The following MBOAT1 variants were observed in gnomAD, a reference collection of about 807,000 sequenced individuals.
MBOAT1 encodes the protein membrane bound glycerophospholipid O-acyltransferase 1, also known as membrane-bound glycerophospholipid O-acyltransferase 1.
In MBOAT1, 67 loss-of-function variants were observed where a neutral mutation model predicts 64.4. That is an observed-to-expected ratio of 1.04 (90% confidence interval 0.85 to 1.27). The LOEUF (loss-of-function observed/expected upper bound fraction) is 1.27. MBOAT1 is among the 50% of genes most tolerant of loss of function. The probability of loss-of-function intolerance (pLI) is 0.00; values close to 1 mark genes in which losing one functional copy is unlikely to be tolerated. For synonymous variants in MBOAT1, 229 were observed against 218.9 expected (o/e 1.05, Z -0.41); for missense variants, 563 against 604.6 (o/e 0.93, Z 0.72).
chr6:20,160,734 T>A (rs1246582223), intron 1 of MBOAT1, among the ~76,000 whole-genome samples: 1 of 152,024 alleles, frequency 6.6e-6, no homozygotes, highest in Non-Finnish European at 1.5e-5. Context: ...TGGGAAAGAG[T>A]ACTAAAAACG....
rs150539587 is a variant in MBOAT1 at position 20,135,656 on chromosome 6, G to A, written c.420-4457C>T. Among the ~76,000 whole-genome samples the A allele has an allele frequency of 2.0e-3, 308 of 152,208 alleles. 5 individuals carry two copies. The East Asian group carries it at 0.052, about 26-fold the overall frequency. On this transcript the variant is annotated intron_variant, in intron 4 of 12. Transcript: ENST00000324607. ...TGTCGGAAGAGCCAACCAATCACAC[G>A]TCTGGCTGGCCAGCATCAAGATGAA...
chr6:20,109,833 C>A, intron 11 of MBOAT1, 84 bp from the exon 12 acceptor site: 1 of 1,371,448 alleles, frequency 7.3e-7, no homozygotes, highest in Non-Finnish European at 9.9e-7. Context: ...GATAGTATGC[C>A]ACAGGAACAT....
chr6:20,138,282 T>C (rs972474952), intron 4 of MBOAT1, among the ~76,000 whole-genome samples: 1 of 152,216 alleles, frequency 6.6e-6, no homozygotes. Flanking sequence ...CACATGCAAT[T>C]TTCAGGCGGA....
chr6:20,122,700 G>T (rs1333496459), intron 8 of MBOAT1, among the ~76,000 whole-genome samples: 1 of 152,056 alleles, frequency 6.6e-6, no homozygotes, highest in Non-Finnish European at 1.5e-5. Flanking sequence ...TTCTGTTTGG[G>T]TGATGAAAAA....
intron 10 of MBOAT1, among the ~76,000 whole-genome samples, chr6:20,113,915 C>A (rs182014293): frequency 6.6e-6 from 1 of 152,108 alleles, no homozygotes; most frequent in Admixed American, 6.6e-5. Flanking sequence ...TCAACAGTAA[C>A]CGATTTAAAC....
At chr6:20,202,079 T>G (rs1763137787) in intron 1 of MBOAT1, among the ~76,000 whole-genome samples, 1 of 152,184 alleles carries the variant, frequency 6.6e-6, no homozygotes, top group East Asian at 1.9e-4. Flanking sequence ...AACCACTTCA[T>G]GTAATTTCAT....
intron 4 of MBOAT1, among the ~76,000 whole-genome samples, chr6:20,134,632 A>G (rs1272891534): frequency 1.3e-5 from 2 of 152,200 alleles, no homozygotes; most frequent in Non-Finnish European, 2.9e-5. Flanking sequence ...ATCTTCCTAC[A>G]TACTTACTTT....
chr6:20,180,335 A>G (rs997551637), intron 1 of MBOAT1, among the ~76,000 whole-genome samples: 2 of 151,972 alleles, frequency 1.3e-5, no homozygotes, highest in African/African-American at 4.8e-5. Flanking sequence ...ATGTCCTCCT[A>G]CTTGCTCCGA....
chr6:20,131,078 T>C, intron 5 of MBOAT1, 66 bp downstream of exon 5: 2 of 1,371,258 alleles, frequency 1.5e-6, no homozygotes, highest in Non-Finnish European at 1.0e-6. Flanking sequence ...GTGTACATAG[T>C]ATAAAAAGAA....
chr6:20,206,205 G>A (rs1370958310), intron 1 of MBOAT1, among the ~76,000 whole-genome samples: 1 of 151,824 alleles, frequency 6.6e-6, no homozygotes, highest in African/African-American at 2.4e-5. Context: ...ATGGAGTCTC[G>A]CTCTGTCACC....
At chr6:20,168,735 A>AAGGG (rs201184450) in intron 1 of MBOAT1, among the ~76,000 whole-genome samples, 5 of 96,274 alleles carry the variant, frequency 5.2e-5, no homozygotes, top group Admixed American at 2.3e-4. Context: ...AAGGAAAAGG[A>AAGGG]AGGGAGGGAG....
intron 1 of MBOAT1, among the ~76,000 whole-genome samples, chr6:20,160,294 C>T (rs1761812325): frequency 6.6e-6 from 1 of 152,222 alleles, no homozygotes; most frequent in South Asian, 2.1e-4. Flanking sequence ...GAATTAAAAA[C>T]ACTGCCTTTC....
intron 1 of MBOAT1, among the ~76,000 whole-genome samples, chr6:20,182,408 A>G (rs74805238): frequency 0.011 from 1,714 of 152,292 alleles, 30 homozygotes; most frequent in African/African-American, 0.038. Context: ...TCAACATATG[A>G]ATTTTGGAAG....
rs1255997701 is a variant in MBOAT1 at position 20,126,616 on chromosome 6, G to A, written c.615C>T (p.Asp205=). ...GCTTCCCCTCAATGAAGGCTATGTA[G>A]TCCTTGAAATTGTTACAAGGACCAG... ...VIAGPCNNFK[D]YIAFIEGKHI... The change falls in exon 7 of 13, where the codon GAC becomes GAT. Residue 205 remains aspartate, a synonymous_variant. Coordinates refer to ENST00000324607, the MANE Select transcript of MBOAT1 (RefSeq NM_001080480.3). 2 of 1,613,598 alleles carry A rather than the reference G, an allele frequency of 1.2e-6. No individual in the cohort carries two copies. The highest frequency in any genetic ancestry group is 1.7e-6 in the Non-Finnish European group (2 of 1,179,814).
chr6:20,212,117 G>C lies in MBOAT1; in HGVS notation c.99+19C>G, dbSNP rs746694687. On this transcript the variant is annotated intron_variant, in intron 1 of 12. Coordinates refer to ENST00000324607, the MANE Select transcript of MBOAT1 (RefSeq NM_001080480.3). ...ATCGCTGGGGAGCTGGGGTCGCTGC[G>C]CTCCCGGCCTGCAGTTACCTGGTCC... 4 of 1,609,772 alleles carry C rather than the reference G, an allele frequency of 2.5e-6. No homozygotes were observed. Among genetic ancestry groups the C allele is most frequent in the Non-Finnish European group, 3.4e-6 (4 of 1,177,922 alleles).
At chr6:20,131,024 C>A (rs1166989490) in intron 5 of MBOAT1, 120 bp downstream of exon 5, 24 of 842,662 alleles carry the variant, frequency 2.8e-5, no homozygotes, top group Non-Finnish European at 3.8e-5. Flanking sequence ...AAATTTTGAA[C>A]AAGATAAAGC....
chr6:20,108,768 C>CAG (rs1405909675), intron 12 of MBOAT1, among the ~76,000 whole-genome samples: 6 of 152,164 alleles, frequency 3.9e-5, no homozygotes, highest in Non-Finnish European at 8.8e-5. Flanking sequence ...AGATACTGGC[C>CAG]AGAGCCCTCT....
At chr6:20,105,450 C>A (rs1472078562) in intron 12 of MBOAT1, among the ~76,000 whole-genome samples, 1 of 152,186 alleles carries the variant, frequency 6.6e-6, no homozygotes, top group African/African-American at 2.4e-5. Context: ...AGTTTGCCAT[C>A]TACGAAAGTT....
At chr6:20,116,507 G>A (rs1405541383) in intron 9 of MBOAT1, among the ~76,000 whole-genome samples, 2 of 152,038 alleles carry the variant, frequency 1.3e-5, no homozygotes, top group Non-Finnish European at 2.9e-5. Context: ...AGGGACAGAA[G>A]GAAGGAGGAA....
Sources: gnomAD v4.1 joint callset for allele counts (sites outside exome capture counted in the v4.1 genomes callset) on GRCh38, gnomAD v4.1.1 for gene constraint, MANE v1.5 for transcripts, NCBI Gene and HGNC (gene_info 2026-07-23, HGNC 2026-07-21) for gene names.